CD2: variants seen among roughly 807,000 people sequenced by gnomAD.
CD2 encodes the protein T-cell surface antigen CD2.
A neutral mutation model predicts 23.2 loss-of-function variants in CD2; 18 were observed. That is an observed-to-expected ratio of 0.77 (90% CI 0.54 to 1.15). The LOEUF is 1.15. Ranked by LOEUF, CD2 falls within the 50% of genes most tolerant of loss-of-function variation. The pLI is 0.00. For synonymous variants in CD2, 162 were observed against 151.9 expected (o/e 1.07, Z -0.49); for missense variants, 424 against 423.1 (o/e 1.00, Z -0.02).
At chr1:116,763,888 T>G (rs1652130995) in intron 3 of CD2, among the ~76,000 whole-genome samples, 1 of 152,026 alleles carries the variant, frequency 6.6e-6, no homozygotes, top group African/African-American at 2.4e-5. Context: ...CCAGGGAAAC[T>G]CTGTGAGAGG....
intron 2 of CD2, among the ~76,000 whole-genome samples, chr1:116,757,929 C>T (rs1444808508): frequency 6.6e-6 from 1 of 151,896 alleles, no homozygotes; most frequent in African/African-American, 2.4e-5. Flanking sequence ...GCCAACACAC[C>T]TGGCTAATCT....
intron 3 of CD2, among the ~76,000 whole-genome samples, chr1:116,761,675 A>G (rs1321623335): frequency 1.3e-5 from 2 of 152,228 alleles, no homozygotes; most frequent in Non-Finnish European, 2.9e-5. Flanking sequence ...GGGATTGCAC[A>G]TAGGTGAGAA....
chr1:116,764,652 C>T (rs1261785666), intron 4 of CD2, 46 bp downstream of exon 4: 2 of 1,427,956 alleles, frequency 1.4e-6, no homozygotes, highest in Admixed American at 1.7e-5. Context: ...AGCAAAATCC[C>T]CATGAAACAG....
intron 2 of CD2, among the ~76,000 whole-genome samples, chr1:116,758,911 T>C (rs1272004197): frequency 2.0e-5 from 3 of 152,218 alleles, no homozygotes; most frequent in Non-Finnish European, 2.9e-5. Flanking sequence ...AAAGTCAGGA[T>C]TCAAACTCAG....
At chr1:116,755,162 A>G (rs2236323) in intron 2 of CD2, 213,958 of 575,368 alleles carry the variant, frequency 0.37, 41,219 homozygotes, top group Middle Eastern at 0.43. Flanking sequence ...CTACCTGCCT[A>G]CAACTCTGTC....
Position 116,764,555 on chromosome 1 carries a change from C to G in CD2, c.685C>G (p.Leu229Val). The G allele has an allele frequency of 6.2e-7, 1 of 1,614,078 alleles. No individual in the cohort carries two copies. Among genetic ancestry groups the G allele is most frequent in the Non-Finnish European group, 8.5e-7 (1 of 1,180,006 alleles). Residue 229 changes from leucine to valine, a missense_variant, in exon 4 of 5, where the codon CTG becomes GTG. Coordinates refer to ENST00000369478, the MANE Select transcript of CD2 (RefSeq NM_001767.5). ...GGSLLMVFVA[L>V]LVFYITKRKK... is the part of the protein sequence containing the mutation. ...CAGCCTCTTGATGGTCTTTGTGGCA[C>G]TGCTCGTTTTCTATATCACCAAAAG...
intron 4 of CD2, among the ~76,000 whole-genome samples, chr1:116,765,272 C>A (rs1652180939): frequency 6.6e-6 from 1 of 152,166 alleles, no homozygotes; most frequent in South Asian, 2.1e-4. Flanking sequence ...GTGGGGGGCA[C>A]AGATGAGGGT....
Position 116,754,612 on chromosome 1 carries a change from ACT to A in CD2, c.62-16_62-15del, listed in dbSNP as rs1249114845. 5 of 1,607,560 alleles carry A rather than the reference ACT, an allele frequency of 3.1e-6. No individual in the cohort carries two copies. Among genetic ancestry groups the A allele is most frequent in the Non-Finnish European group, 4.2e-6 (5 of 1,178,018 alleles). On this transcript the variant is annotated splice_polypyrimidine_tract_variant and intron_variant, in intron 1 of 4. Coordinates refer to ENST00000369478, the MANE Select transcript of CD2 (RefSeq NM_001767.5). ...CTTTCCCTGAAAGTGACTCTCAGTA[ACT>A]CTTTTGCTTTTTATAGGTGCAGTCT...
rs201567293 is a variant in CD2, at chr1:116,768,503, A to G, written c.776A>G (p.Glu259Gly). Residue 259 changes from glutamate to glycine, a missense_variant, in exon 5 of 5, where the codon GAA becomes GGA. Glu to Gly is a moderately conservative substitution (Grantham distance 98, BLOSUM62 -2). Transcript: ENST00000369478. ...ACAAGAGCCCACAGAGTAGCTACTGAAGAAAGGGGCCGGAAGCCCCACCAA... is the reference window on the plus strand; with the variant it reads ...ACAAGAGCCCACAGAGTAGCTACTGGAGAAAGGGGCCGGAAGCCCCACCAA... ...LETRAHRVAT[E>G]ERGRKPHQIP... 2.5e-6 allele frequency: 4 copies of G among 1,614,140 alleles called. No homozygotes were observed. The highest frequency in any genetic ancestry group is 3.4e-6 in the Non-Finnish European group (4 of 1,180,030).
Position 116,762,139 on chromosome 1 carries a change from T to C in CD2, c.613+1507T>C, listed in dbSNP as rs1041794174. Among the ~76,000 whole-genome samples the C allele has an allele frequency of 3.3e-5, 5 of 152,214 alleles. No individual in the cohort carries two copies. The East Asian group carries it at 9.6e-4, about 29-fold the overall frequency. ...GTCACTGCAGTGGCCTCGGGAGATCTTTGATTAGAGTTGCCAGATATAGCA... is the reference window on the plus strand; with the variant it reads ...GTCACTGCAGTGGCCTCGGGAGATCCTTGATTAGAGTTGCCAGATATAGCA... On this transcript the variant is annotated intron_variant, in intron 3 of 4. Coordinates refer to ENST00000369478, the MANE Select transcript of CD2 (RefSeq NM_001767.5).
In CD2 at chr1:116,768,884, A is replaced by G. The variant is rs1652308202; in HGVS notation, c.*101A>G. On this transcript the variant is annotated 3_prime_UTR_variant, in exon 5 of 5. Coordinates refer to ENST00000369478, the MANE Select transcript of CD2 (RefSeq NM_001767.5). Reference sequence around the variant, plus strand: ...ATGAGGTGTTTTCTGTGTGCAGAACATTGTCACCTCCTGAGGCTGTGGGCC... The same window carrying G: ...ATGAGGTGTTTTCTGTGTGCAGAACGTTGTCACCTCCTGAGGCTGTGGGCC... 3 of 1,184,428 alleles carry G rather than the reference A, an allele frequency of 2.5e-6. No homozygotes were observed. The highest frequency in any genetic ancestry group is 3.6e-6 in the Non-Finnish European group (3 of 841,670). 73.4% of individuals were successfully genotyped at this position (1,184,428 alleles called of 1,614,324 possible).
intron 2 of CD2, among the ~76,000 whole-genome samples, chr1:116,758,466 A>C (rs991619619): frequency 6.6e-6 from 1 of 152,036 alleles, no homozygotes; most frequent in African/African-American, 2.4e-5. Flanking sequence ...ATAGTGTCAG[A>C]TTGCCCACTC....
rs375541049 is a variant in CD2, at chr1:116,754,431, G to A, written c.-62G>A. On this transcript the variant is annotated 5_prime_UTR_variant, in exon 1 of 5. Transcript: ENST00000369478. ...AGCTCTCGGGGTGTGGACTCCACCA[G>A]TCTCACTTCAGTTCCTTTTGCATGA... 7.3e-5 allele frequency: 104 copies of A among 1,422,296 alleles called. No individual in the cohort carries two copies. Among genetic ancestry groups the A allele is most frequent in the Non-Finnish European group, 9.9e-5 (101 of 1,015,324 alleles). 88.1% of individuals were successfully genotyped at this position (1,422,296 alleles called of 1,614,324 possible). A position where few individuals can be genotyped will look rare whatever the true frequency, so the allele number is the denominator to read the frequency against.
rs117035263 is a variant in CD2, at chr1:116,757,502, C to T, written c.382+2551C>T. ...AAGACGCTATCTTAGTGAATGTATA[C>T]GGAGGTACTACTCCACAAGGGTGCC... On this transcript the variant is annotated intron_variant, in intron 2 of 4. Transcript: ENST00000369478. Among the ~76,000 whole-genome samples, 53 of 152,186 alleles carry T rather than the reference C, an allele frequency of 3.5e-4. 1 individual carries two copies. The East Asian group carries it at 7.4e-3, about 21-fold the overall frequency.
In CD2 at chr1:116,754,959, T is replaced by C. The variant is rs377538962; in HGVS notation, c.382+8T>C. 17 of 1,556,038 alleles carry C rather than the reference T, an allele frequency of 1.1e-5. No individual in the cohort carries two copies. The highest frequency in any genetic ancestry group is 1.5e-5 in the Non-Finnish European group (17 of 1,141,218). ...TTGATTTGAAGATTCAAGGTAAGTG[T>C]TCATTCCCTTAATTGCTTTATTTCA... is the stretch of plus-strand genomic sequence containing the variant. On this transcript the variant is annotated splice_region_variant and intron_variant, in intron 2 of 4. Transcript: ENST00000369478.
At chr1:116,757,292 G>A (rs751695537) in intron 2 of CD2, among the ~76,000 whole-genome samples, 15 of 151,994 alleles carry the variant, frequency 9.9e-5, no homozygotes, top group Non-Finnish European at 2.1e-4. Context: ...CCACGCACCC[G>A]GCCTCCAAAC....
rs575055309 is a variant in CD2, at chr1:116,759,720, C to A, written c.383-682C>A. ...ATGCTCTGAGGAGGGCCAGCGTAGA[C>A]CCTGTGAGCAACTGAGCAGCTCTGG... On this transcript the variant is annotated intron_variant, in intron 2 of 4. Coordinates refer to ENST00000369478, the MANE Select transcript of CD2 (RefSeq NM_001767.5). Among the ~76,000 whole-genome samples the A allele has an allele frequency of 3.3e-5, 5 of 152,278 alleles. No individual in the cohort carries two copies. The East Asian group carries it at 9.6e-4, about 29-fold the overall frequency.
At chr1:116,764,437 C>G (rs774179889) in intron 3 of CD2, 47 bp from the exon 4 acceptor site, 3 of 1,599,658 alleles carry the variant, frequency 1.9e-6, no homozygotes, top group African/African-American at 1.3e-5. Flanking sequence ...GTAATGGGCT[C>G]TCTGCCTGGA....
chr1:116,758,681 C>T (rs1440094198), intron 2 of CD2, among the ~76,000 whole-genome samples: 1 of 152,154 alleles, frequency 6.6e-6, no homozygotes, highest in Non-Finnish European at 1.5e-5. Flanking sequence ...AGTGTGAGCC[C>T]TACATGGGGG....
Sources: allele counts gnomAD v4.1 joint callset (sites outside exome capture counted in the v4.1 genomes callset), GRCh38; gene constraint gnomAD v4.1.1; transcripts MANE v1.5; gene names NCBI Gene and HGNC (gene_info 2026-07-23, HGNC 2026-07-21).